Variants in CORO2B observed in about 807,000 individuals in gnomAD.
CORO2B encodes coronin-2B.
A neutral mutation model predicts 58.8 loss-of-function variants in CORO2B; 26 were observed. That is an observed-to-expected ratio of 0.44 (90% CI 0.32 to 0.61). The LOEUF is 0.61. CORO2B is among the 20% of genes least tolerant of loss of function. CORO2B has a pLI of 0.04. For synonymous variants in CORO2B, 242 were observed against 253.8 expected, an observed-to-expected ratio of 0.95 and a Z score of 0.44; for missense variants, 460 against 645.1, an observed-to-expected ratio of 0.71 and a Z score of 3.11.
chr15:68,704,006 C>T (rs1204840178), intron 3 of CORO2B, among the ~76,000 whole-genome samples: 2 of 148,476 alleles, frequency 1.3e-5, no homozygotes, highest in Non-Finnish European at 3.0e-5. Context: ...CCAACCTGGG[C>T]AATATGGCAA....
the CORO2B span, among the ~76,000 whole-genome samples, chr15:68,547,300 C>A: frequency 6.6e-6 from 1 of 152,070 alleles, no homozygotes; most frequent in East Asian, 1.9e-4. Context: ...AATAAAAAGA[C>A]CCTGTAAAAA....
chr15:68,602,501 A>G (rs957212899), intron 1 of CORO2B, among the ~76,000 whole-genome samples: 1 of 151,546 alleles, frequency 6.6e-6, no homozygotes, highest in Non-Finnish European at 1.5e-5. Context: ...TTAGGTCACT[A>G]AGAGAGAGAT....
chr15:68,606,145 T>C (rs151154606), intron 1 of CORO2B, among the ~76,000 whole-genome samples: 1 of 151,886 alleles, frequency 6.6e-6, no homozygotes, highest in African/African-American at 2.4e-5. Flanking sequence ...CCATGTTAGG[T>C]CAAAGGTGAC....
chr15:68,520,895 A>T, the CORO2B span, among the ~76,000 whole-genome samples: 1 of 152,122 alleles, frequency 6.6e-6, no homozygotes, highest in African/African-American at 2.4e-5. Context: ...AAAAAAATAC[A>T]AAAATTAGCC....
intron 3 of CORO2B, among the ~76,000 whole-genome samples, chr15:68,695,896 G>T (rs868269375): frequency 6.6e-6 from 1 of 151,956 alleles, no homozygotes; most frequent in Non-Finnish European, 1.5e-5. Context: ...AATAGAGATA[G>T]GAGGGAAAGG....
intron 2 of CORO2B, among the ~76,000 whole-genome samples, chr15:68,668,574 A>G (rs535641329): frequency 9.9e-4 from 151 of 152,128 alleles, no homozygotes; most frequent in African/African-American, 3.5e-3. Flanking sequence ...GTGCCCTAGA[A>G]AGAGAGAATA....
At chr15:68,531,879 GA>G in the CORO2B span, among the ~76,000 whole-genome samples, 16 of 143,136 alleles carry the variant, frequency 1.1e-4, no homozygotes, top group East Asian at 8.1e-4. Flanking sequence ...TTTTGTCAAA[GA>G]AAAAAAAAAG....
chr15:68,613,043 A>G (rs1168237493), intron 1 of CORO2B, among the ~76,000 whole-genome samples: 2 of 152,164 alleles, frequency 1.3e-5, no homozygotes, highest in African/African-American at 2.4e-5. Context: ...TCACTTCACC[A>G]AAACTCCTGA....
At chr15:68,668,652 C>T (rs542141775) in intron 2 of CORO2B, among the ~76,000 whole-genome samples, 11 of 152,240 alleles carry the variant, frequency 7.2e-5, no homozygotes, top group African/African-American at 2.6e-4. Flanking sequence ...GGCTGGGCTA[C>T]CCAGAACCTT....
intron 1 of CORO2B, among the ~76,000 whole-genome samples, chr15:68,610,745 C>A (rs959023902): frequency 1.3e-5 from 2 of 152,154 alleles, no homozygotes; most frequent in Non-Finnish European, 2.9e-5. Flanking sequence ...CAAATAATTT[C>A]TGTTTCTGTG....
intron 7 of CORO2B, 132 bp downstream of exon 7, chr15:68,714,795 T>C (rs1892994234): frequency 1.5e-6 from 1 of 682,850 alleles, no homozygotes; most frequent in Admixed American, 2.5e-5. Flanking sequence ...ACCTTTCCCA[T>C]CCACACCTGC....
rs1443589232 is a variant in CORO2B at position 68,727,214 on chromosome 15, C to G, written c.*1240C>G. 6.6e-6 allele frequency: 1 copy of G among 152,670 alleles called. No homozygotes were observed. The highest frequency in any genetic ancestry group is 1.5e-5 in the Non-Finnish European group (1 of 68,060). The allele number at this position is 152,670 out of a possible 1,614,324, so 9.5% of individuals were successfully genotyped here. ...GCATCCGTATAGCACTTTAAAGTTT[C>G]TGCAGTCCTTTGACACATAGGATCT... On this transcript the variant is annotated 3_prime_UTR_variant, in exon 12 of 12. Transcript: ENST00000261861.
chr15:68,538,640 A>G, the CORO2B span, among the ~76,000 whole-genome samples: 1 of 152,170 alleles, frequency 6.6e-6, no homozygotes, highest in Non-Finnish European at 1.5e-5. Context: ...ATTTTGATTT[A>G]AGTCCAGTCT....
At chr15:68,549,863 C>T in the CORO2B span, among the ~76,000 whole-genome samples, 1 of 152,030 alleles carries the variant, frequency 6.6e-6, no homozygotes, top group Non-Finnish European at 1.5e-5. Context: ...ATTGCTTGAA[C>T]CTGGAAGATG....
the CORO2B span, among the ~76,000 whole-genome samples, chr15:68,524,374 A>G: frequency 2.6e-5 from 4 of 152,296 alleles, no homozygotes; most frequent in South Asian, 4.1e-4. Context: ...ATAAAAATCT[A>G]TTGTTTTCCC....
chr15:68,716,223 T>C (rs1288167617), intron 8 of CORO2B, among the ~76,000 whole-genome samples: 1 of 152,218 alleles, frequency 6.6e-6, no homozygotes, highest in South Asian at 2.1e-4. Flanking sequence ...CATCAAATAG[T>C]ATAAAAATCA....
chr15:68,557,090 C>A, the CORO2B span, among the ~76,000 whole-genome samples: 1 of 152,152 alleles, frequency 6.6e-6, no homozygotes, highest in African/African-American at 2.4e-5. Flanking sequence ...CATAAATGTC[C>A]CCTCGGGTAA....
chr15:68,641,910 A>G (rs921564732), intron 1 of CORO2B, among the ~76,000 whole-genome samples: 5 of 151,966 alleles, frequency 3.3e-5, no homozygotes, highest in African/African-American at 1.2e-4. Context: ...TTTTTGGTAT[A>G]GAGACAGGGT....
chr15:68,577,802 T>C (rs544259607), upstream of CORO2B, among the ~76,000 whole-genome samples: 22 of 150,686 alleles, frequency 1.5e-4, no homozygotes. Flanking sequence ...TTATTATTGC[T>C]CCAATCTAGA....
Sources: allele counts gnomAD v4.1 joint callset (sites outside exome capture counted in the v4.1 genomes callset), GRCh38; gene constraint gnomAD v4.1.1; transcripts MANE v1.5; gene names NCBI Gene and HGNC (gene_info 2026-07-23, HGNC 2026-07-21).